Variants in ZNF471 observed in about 807,000 individuals in gnomAD.
ZNF471 encodes the protein zinc finger protein 471.
Under a neutral mutation model 13.7 loss-of-function variants are expected in ZNF471, and 7 were observed. That is an observed-to-expected ratio of 0.51 (90% CI 0.29 to 0.96). The LOEUF (loss-of-function observed/expected upper bound fraction) is 0.96. Among genes scored for constraint, ZNF471 ranks in the 40% least tolerant of loss-of-function variants. ZNF471 has a pLI of 0.08. For synonymous variants in ZNF471, 218 were observed against 235.6 expected (o/e 0.93, Z 0.68); for missense variants, 663 against 743.3 (o/e 0.89, Z 1.26).
chr19:56,514,281 A>T (rs1305667709), intron 2 of ZNF471, among the ~76,000 whole-genome samples: 1 of 151,964 alleles, frequency 6.6e-6, no homozygotes, highest in Non-Finnish European at 1.5e-5. Flanking sequence ...TTGCCATGCT[A>T]TGTAGGCTGG....
At chr19:56,513,542 T>C (rs539318846) in intron 2 of ZNF471, among the ~76,000 whole-genome samples, 1 of 152,328 alleles carries the variant, frequency 6.6e-6, no homozygotes, top group South Asian at 2.1e-4. Context: ...ATAATGGAAT[T>C]CTTAACTTCT....
chr19:56,514,681 TGATGTTAATA>T (rs373179959), intron 2 of ZNF471, among the ~76,000 whole-genome samples: 332 of 152,334 alleles, frequency 2.2e-3, no homozygotes, highest in African/African-American at 7.6e-3. Flanking sequence ...TTATTACTGT[TGATGTTAATA>T]GATGTTAACT....
At chr19:56,517,627 G>A in intron 3 of ZNF471, among the ~76,000 whole-genome samples, 1 of 152,072 alleles carries the variant, frequency 6.6e-6, no homozygotes, top group East Asian at 1.9e-4. Flanking sequence ...TTTTAATAGA[G>A]ACAGGGTTTC....
intron 4 of ZNF471, among the ~76,000 whole-genome samples, chr19:56,521,837 C>G (rs1480086315): frequency 3.3e-5 from 5 of 151,942 alleles, no homozygotes; most frequent in Non-Finnish European, 7.4e-5. Flanking sequence ...CTCCCAGCTA[C>G]TCAGGAAGCT....
chr19:56,523,425 A>T (rs760556296), intron 4 of ZNF471, among the ~76,000 whole-genome samples: 3 of 151,760 alleles, frequency 2.0e-5, no homozygotes, highest in Non-Finnish European at 2.9e-5. Flanking sequence ...TGAAAGTAAG[A>T]TGAAAGGGAA....
intron 1 of ZNF471, chr19:56,509,912 T>C (rs1332813539): frequency 5.2e-5 from 51 of 985,272 alleles, no homozygotes; most frequent in East Asian, 1.1e-4. Flanking sequence ...GTGAGAGAAA[T>C]AGATGTGCCT....
At chr19:56,520,789 GAAAT>G (rs1445967805) in intron 4 of ZNF471, among the ~76,000 whole-genome samples, 1 of 152,348 alleles carries the variant, frequency 6.6e-6, no homozygotes, top group East Asian at 1.9e-4. Context: ...AGATCTGTGA[GAAAT>G]AAATTAGCCA....
chr19:56,508,255 C>A lies in ZNF471; in HGVS notation c.-56+335C>A. 1 of 336,036 alleles carries A rather than the reference C, an allele frequency of 3.0e-6. No individual in the cohort carries two copies. Among genetic ancestry groups the A allele is most frequent in the Non-Finnish European group, 3.7e-6 (1 of 267,034 alleles). 20.8% of individuals were successfully genotyped at this position (336,036 alleles called of 1,614,324 possible). The stretch of plus-strand genomic sequence containing the variant: ...TGTGTGTGTGTGTGTGTGTGTGTGA[C>A]AGACCGAGAGTCCAGTGTGAGACCA... On this transcript the variant is annotated intron_variant, in intron 1 of 4. Transcript: ENST00000308031. This position sits in a 1 kb window ranked among gnomAD's most constrained non-coding sequence, Gnocchi z 4.7.
intron 1 of ZNF471, chr19:56,509,908 G>A: frequency 2.0e-6 from 2 of 985,416 alleles, no homozygotes; most frequent in Non-Finnish European, 2.4e-6. Context: ...ATGTGTGAGA[G>A]AAATAGATGT....
chr19:56,509,714 G>GGGGT, intron 1 of ZNF471: 1 of 177,194 alleles, frequency 5.6e-6, no homozygotes. Flanking sequence ...TTGCTTGCCT[G>GGGGT]GTGTGTGTGT....
Position 56,511,534 on chromosome 19 carries a change from A to C in ZNF471, c.-38A>C. 6.2e-7 allele frequency: 1 copy of C among 1,613,660 alleles called. No individual in the cohort carries two copies. The highest frequency in any genetic ancestry group is 8.5e-7 in the Non-Finnish European group (1 of 1,179,746). ...TCCTTCAGCCTTGCCCTCCCAAGAC[A>C]CTGTTCTTCAAGAGAAAGACCAGAA... is the stretch of plus-strand genomic sequence containing the variant. On this transcript the variant is annotated 5_prime_UTR_variant, in exon 2 of 5. Coordinates refer to ENST00000308031, the MANE Select transcript of ZNF471 (RefSeq NM_020813.4).
intron 2 of ZNF471, among the ~76,000 whole-genome samples, chr19:56,515,886 GA>G (rs926765505): frequency 3.3e-5 from 5 of 151,216 alleles, no homozygotes; most frequent in African/African-American, 9.7e-5. Context: ...TATTATTTAA[GA>G]AAAAAAAATC....
chr19:56,518,594 CAG>C lies in ZNF471; in HGVS notation c.256+22_256+23del, dbSNP rs2043925934. ...CATTCTCAGGTGAGTGTGGAAGAAC[CAG>C]AGAGGGGAATCTTTTTGACATAATG... On this transcript the variant is annotated intron_variant, in intron 4 of 4. Transcript: ENST00000308031. 1 of 1,602,648 alleles carries C rather than the reference CAG, an allele frequency of 6.2e-7. No individual in the cohort carries two copies. The highest frequency in any genetic ancestry group is 1.1e-5 in the South Asian group (1 of 89,982).
chr19:56,509,402 T>G (rs952039024), intron 1 of ZNF471, among the ~76,000 whole-genome samples: 1 of 151,998 alleles, frequency 6.6e-6, no homozygotes, highest in African/African-American at 2.4e-5. Context: ...TGTAATATCC[T>G]TTATTACTAC....
intron 2 of ZNF471, among the ~76,000 whole-genome samples, chr19:56,512,633 T>C (rs1406078271): frequency 6.6e-6 from 1 of 152,162 alleles, no homozygotes; most frequent in Non-Finnish European, 1.5e-5. Flanking sequence ...CTGTGTGTAT[T>C]TGGTTCTGTT....
intron 1 of ZNF471, chr19:56,509,716 TG>T (rs1434116120): frequency 3.1e-5 from 3 of 97,154 alleles, no homozygotes; most frequent in African/African-American, 8.3e-5. Context: ...GCTTGCCTGG[TG>T]TGTGTGTGTG....
chr19:56,517,794 C>T (rs2043914009), intron 3 of ZNF471, among the ~76,000 whole-genome samples: 1 of 152,154 alleles, frequency 6.6e-6, no homozygotes, highest in Non-Finnish European at 1.5e-5. Flanking sequence ...TCTATCCTTA[C>T]CCTCAATGTT....
In ZNF471 at chr19:56,510,996, G is replaced by A. The variant is rs959287646; in HGVS notation, c.-55-521G>A. The A allele has an allele frequency of 7.2e-6, 7 of 978,866 alleles. No individual in the cohort carries two copies. The highest frequency in any genetic ancestry group is 7.2e-6 in the Non-Finnish European group (6 of 830,052). 60.6% of individuals were successfully genotyped at this position (978,866 alleles called of 1,614,324 possible). ...AGGGTGAGGAAAGTGAAACAGTGCC[G>A]GGGGGTGGGTCAGGGATGCAGTGGT... is the stretch of plus-strand genomic sequence containing the variant. On this transcript the variant is annotated intron_variant, in intron 1 of 4. Transcript: ENST00000308031. The surrounding 1 kb of genome is among the most constrained non-coding windows in gnomAD (Gnocchi z 4.3).
chr19:56,509,393 G>A (rs2043778638), intron 1 of ZNF471, among the ~76,000 whole-genome samples: 1 of 142,820 alleles, frequency 7.0e-6, no homozygotes, highest in Admixed American at 6.8e-5. Context: ...TGCATCCTTT[G>A]TAATATCCTT....
Sources: gnomAD v4.1 joint callset for allele counts (sites outside exome capture counted in the v4.1 genomes callset) on GRCh38, gnomAD v4.1.1 for gene constraint, Gnocchi (gnomAD v3.1) non-coding constraint, MANE v1.5 for transcripts, NCBI Gene and HGNC (gene_info 2026-07-23, HGNC 2026-07-21) for gene names.